MMP16: variants seen among roughly 807,000 people sequenced by gnomAD.
MMP16 encodes the protein matrix metalloproteinase-16.
A neutral mutation model predicts 67.8 loss-of-function variants in MMP16; 12 were observed. That is an observed-to-expected ratio of 0.18 (90% CI 0.11 to 0.29). MMP16 has a LOEUF of 0.29. MMP16 is among the 10% of genes least tolerant of loss of function. The probability of loss-of-function intolerance (pLI) is 1.00; values close to 1 mark genes in which losing one functional copy is unlikely to be tolerated. For synonymous variants in MMP16, 249 were observed against 255.9 expected (o/e 0.97, Z 0.26); for missense variants, 475 against 765.7 (o/e 0.62, Z 4.48).
At chr8:88,282,643 T>C (rs1810759829) in intron 1 of MMP16, among the ~76,000 whole-genome samples, 1 of 152,212 alleles carries the variant, frequency 6.6e-6, no homozygotes, top group Non-Finnish European at 1.5e-5. Flanking sequence ...GAAATGTTTT[T>C]ATTGAATCAC....
intron 6 of MMP16, among the ~76,000 whole-genome samples, chr8:88,088,703 A>C (rs1808885332): frequency 6.6e-6 from 1 of 152,042 alleles, no homozygotes; most frequent in African/African-American, 2.4e-5. Flanking sequence ...TTATTTACTT[A>C]AATAAAGAGT....
chr8:88,053,167 C>T (rs973281883), intron 8 of MMP16, among the ~76,000 whole-genome samples: 1 of 152,160 alleles, frequency 6.6e-6, no homozygotes, highest in Non-Finnish European at 1.5e-5. Context: ...TGTGCTGCCT[C>T]ATGTTCATAC....
chr8:88,276,100 G>C (rs930196870), intron 1 of MMP16, among the ~76,000 whole-genome samples: 2 of 152,024 alleles, frequency 1.3e-5, no homozygotes, highest in African/African-American at 2.4e-5. Context: ...TTAAAGTTAA[G>C]CAGTTTATAA....
chr8:88,118,981 C>T (rs1236322713), intron 4 of MMP16, 120 bp from the exon 5 acceptor site: 1 of 938,966 alleles, frequency 1.1e-6, no homozygotes, highest in Non-Finnish European at 1.6e-6. Context: ...TTTCCTTCAA[C>T]TATTTGTATG....
At chr8:88,211,767 A>C (rs1809516299) in intron 1 of MMP16, among the ~76,000 whole-genome samples, 1 of 152,120 alleles carries the variant, frequency 6.6e-6, no homozygotes, top group Non-Finnish European at 1.5e-5. Flanking sequence ...TACCCTACTA[A>C]GTATGGAAAG....
rs1328149594 is a variant in MMP16, at chr8:88,147,632, T to G, written c.709+20037A>C. On this transcript the variant is annotated intron_variant, in intron 4 of 9. Transcript: ENST00000286614. ...AATTCTAGGTTGAGTTATTTTCTTT[T>G]GGCATTTGAATATATGCCACTGTCT... is the stretch of plus-strand genomic sequence containing the variant. Among the ~76,000 whole-genome samples the G allele has an allele frequency of 5.3e-5, 8 of 152,292 alleles. No individual in the cohort carries two copies. The East Asian group carries it at 9.7e-4, about 18-fold the overall frequency.
rs561149975 is a variant in MMP16, at chr8:88,105,376, T to C, written c.1083+11131A>G. ...AATTGGAAAACTATGCACATTCTCC[T>C]GTTTGTTGTAACGCATAGTATTGCT... On this transcript the variant is annotated intron_variant, in intron 6 of 9. Coordinates refer to ENST00000286614, the MANE Select transcript of MMP16 (RefSeq NM_005941.5). Among the ~76,000 whole-genome samples the C allele has an allele frequency of 3.5e-3, 530 of 151,680 alleles. 4 individuals carry two copies. Among genetic ancestry groups the C allele is most frequent in the Middle Eastern group, 0.01 (3 of 294 alleles).
At position 88,113,822 on chromosome 8, in the gene MMP16, A is replaced by G. The variant is rs565665597; in HGVS notation, c.1083+2685T>C. ...TTTGCAAGAAACCCAAGTGTAGCCT[A>G]TTTTGTTCACTGCTACATAGCCAGT... is the stretch of plus-strand genomic sequence containing the variant. On this transcript the variant is annotated intron_variant, in intron 6 of 9. Coordinates refer to ENST00000286614, the MANE Select transcript of MMP16 (RefSeq NM_005941.5). 2.5e-4 allele frequency among the ~76,000 whole-genome samples: 38 copies of G among 152,120 alleles called. 1 individual carries two copies. Among genetic ancestry groups the G allele is most frequent in the African/African-American group, 8.7e-4 (36 of 41,558 alleles).
intron 1 of MMP16, among the ~76,000 whole-genome samples, chr8:88,247,345 T>C (rs557154248): frequency 6.6e-6 from 1 of 152,284 alleles, no homozygotes; most frequent in East Asian, 1.9e-4. Flanking sequence ...TTTGAGAATT[T>C]TGTAACTCTT....
intron 7 of MMP16, among the ~76,000 whole-genome samples, chr8:88,062,227 A>C (rs1048313471): frequency 6.6e-6 from 1 of 151,908 alleles, no homozygotes; most frequent in African/African-American, 2.4e-5. Context: ...AACTAGTTCA[A>C]CCATTGTGGA....
intron 1 of MMP16, among the ~76,000 whole-genome samples, chr8:88,270,553 T>C (rs953138284): frequency 1.2e-4 from 19 of 152,186 alleles, no homozygotes; most frequent in African/African-American, 4.6e-4. Context: ...GTACATTTTG[T>C]AGATAAGGAA....
chr8:88,121,071 GTTT>G (rs397974015), intron 4 of MMP16, among the ~76,000 whole-genome samples: 1 of 137,912 alleles, frequency 7.3e-6, no homozygotes, highest in Non-Finnish European at 1.6e-5. Context: ...CTTGCTCTCA[GTTT>G]TTTTTTTTTT....
At chr8:88,174,295 T>G (rs1449137168) in intron 3 of MMP16, among the ~76,000 whole-genome samples, 2 of 152,174 alleles carry the variant, frequency 1.3e-5, no homozygotes, top group East Asian at 1.9e-4. Context: ...CAAAATAACA[T>G]TTTGGAACTT....
chr8:88,073,416 G>C (rs1486394314), intron 7 of MMP16, among the ~76,000 whole-genome samples: 2 of 152,092 alleles, frequency 1.3e-5, no homozygotes, highest in Admixed American at 1.3e-4. Context: ...AAATCATTTT[G>C]AGATGGGGAA....
chr8:88,161,008 CT>C (rs1470231130), intron 4 of MMP16, among the ~76,000 whole-genome samples: 4 of 152,016 alleles, frequency 2.6e-5, no homozygotes, highest in African/African-American at 9.7e-5. Context: ...CTAAAATTCT[CT>C]TTTTTTGTTG....
intron 8 of MMP16, among the ~76,000 whole-genome samples, chr8:88,049,092 C>G (rs941726551): frequency 6.6e-6 from 1 of 152,168 alleles, no homozygotes. Flanking sequence ...AAAAGGGAAA[C>G]TGTCACAGGT....
chr8:88,080,351 G>T (rs1808725354), intron 6 of MMP16, among the ~76,000 whole-genome samples: 1 of 152,156 alleles, frequency 6.6e-6, no homozygotes, highest in Admixed American at 6.5e-5. Flanking sequence ...ATCATTAGCT[G>T]TGGAAAAAAT....
chr8:88,079,987 T>C (rs371403114), intron 6 of MMP16, among the ~76,000 whole-genome samples: 2 of 152,222 alleles, frequency 1.3e-5, no homozygotes, highest in African/African-American at 4.8e-5. Flanking sequence ...CACATCCTGA[T>C]GAACTAAGAC....
intron 7 of MMP16, among the ~76,000 whole-genome samples, chr8:88,071,962 T>C (rs897905724): frequency 6.6e-6 from 1 of 151,746 alleles, no homozygotes; most frequent in Non-Finnish European, 1.5e-5. Context: ...TAAAACAGTG[T>C]AAAATAAAAA....
Sources: gnomAD v4.1 joint callset for allele counts (sites outside exome capture counted in the v4.1 genomes callset) on GRCh38, gnomAD v4.1.1 for gene constraint, MANE v1.5 for transcripts, NCBI Gene and HGNC (gene_info 2026-07-23, HGNC 2026-07-21) for gene names.